PIK3CB: variants seen among roughly 807,000 people sequenced by gnomAD.
PIK3CB encodes the protein phosphatidylinositol 4,5-bisphosphate 3-kinase catalytic subunit beta isoform.
PIK3CB carries 39 observed loss-of-function variants against 136.8 expected under a neutral mutation model. The observed-to-expected ratio is 0.29, with a 90% CI of 0.22 to 0.37. The LOEUF is 0.37. Among genes scored for constraint, PIK3CB ranks in the 10% least tolerant of loss-of-function variants. The pLI is 1.00. For missense variants in PIK3CB, 868 were observed against 1,275.4 expected (o/e 0.68, Z 4.87); for synonymous variants, 428 against 436.6 (o/e 0.98, Z 0.25).
At chr3:138,656,325 C>G (rs1023470266) in intron 22 of PIK3CB, 51 bp from the exon 23 acceptor site, 1 of 1,588,544 alleles carries the variant, frequency 6.3e-7, no homozygotes, top group Non-Finnish European at 8.6e-7. Context: ...GGGGAGAGAG[C>G]ACATTTCATA....
chr3:138,785,679 C>T (rs766224156), intron 2 of PIK3CB, among the ~76,000 whole-genome samples: 11 of 152,068 alleles, frequency 7.2e-5, no homozygotes, highest in African/African-American at 2.2e-4. Flanking sequence ...GCAAACGCTG[C>T]GGAAGGAAGC....
chr3:138,803,807 C>T (rs1163244457), intron 1 of PIK3CB, among the ~76,000 whole-genome samples: 1 of 152,144 alleles, frequency 6.6e-6, no homozygotes, highest in African/African-American at 2.4e-5. Context: ...AATGCTTAGG[C>T]TCTCTACCTT....
At chr3:138,666,614 A>C (rs943964029) in intron 19 of PIK3CB, among the ~76,000 whole-genome samples, 1 of 152,112 alleles carries the variant, frequency 6.6e-6, no homozygotes, top group Non-Finnish European at 1.5e-5. Flanking sequence ...TTGGTTGCAA[A>C]TATTTTCTCT....
At chr3:138,713,120 A>AT (rs1419288673) in intron 9 of PIK3CB, among the ~76,000 whole-genome samples, 1 of 152,030 alleles carries the variant, frequency 6.6e-6, no homozygotes, top group Non-Finnish European at 1.5e-5. Context: ...GAAGAAAAAA[A>AT]TACTAAGGAA....
At chr3:138,784,357 G>C (rs1000544440) in intron 2 of PIK3CB, among the ~76,000 whole-genome samples, 1 of 152,116 alleles carries the variant, frequency 6.6e-6, no homozygotes, top group African/African-American at 2.4e-5. Flanking sequence ...ACTCCAGCCT[G>C]GGCAACAGAG....
Position 138,673,379 on chromosome 3 carries a change from A to G in PIK3CB, c.2505-8176T>C, listed in dbSNP as rs139387559. 5.6e-3 allele frequency among the ~76,000 whole-genome samples: 856 copies of G among 152,350 alleles called. 4 individuals are homozygous for G. The highest frequency in any genetic ancestry group is 9.8e-3 in the Non-Finnish European group (666 of 68,038). ...CACAGATTGTACTGCAGACAAAGGC[A>G]AAGAGAAACTTTTTGATGCACTAAG... On this transcript the variant is annotated intron_variant, in intron 19 of 23. Transcript: ENST00000674063.
intron 10 of PIK3CB, 111 bp downstream of exon 10, chr3:138,712,097 A>T: frequency 2.0e-6 from 1 of 509,000 alleles, no homozygotes. Flanking sequence ...ATAATACAAA[A>T]TGATAATTTT....
intron 2 of PIK3CB, 64 bp from the exon 3 acceptor site, chr3:138,759,423 T>C: frequency 9.5e-7 from 1 of 1,054,176 alleles, no homozygotes; most frequent in Non-Finnish European, 1.4e-6. Context: ...CAAGATATGA[T>C]AAAGACCACT....
Position 138,655,485 on chromosome 3 carries a change from T to C in PIK3CB, c.3117A>G (p.Lys1039=). ...CCTCATCAAATTTTTGCTTAAACTG[T>C]TTGAGTGCTTCTTCTTCACTCTTCC... ...ALGKSEEEAL[K]QFKQKFDEAL... The change falls in exon 24 of 24, where the codon AAA becomes AAG. Residue 1039 remains lysine (K), a synonymous_variant. Coordinates refer to ENST00000674063, the MANE Select transcript of PIK3CB (RefSeq NM_006219.3). 6.2e-7 allele frequency: 1 copy of C among 1,612,802 alleles called. No individual in the cohort carries two copies. The highest frequency in any genetic ancestry group is 8.5e-7 in the Non-Finnish European group (1 of 1,178,756).
intron 1 of PIK3CB, among the ~76,000 whole-genome samples, chr3:138,813,428 C>T (rs75924788): frequency 6.7e-6 from 1 of 150,064 alleles, no homozygotes; most frequent in Non-Finnish European, 1.5e-5. Context: ...AGGGCCTACT[C>T]TATTTTTTTT....
intron 2 of PIK3CB, among the ~76,000 whole-genome samples, chr3:138,767,446 T>C (rs897412179): frequency 2.6e-5 from 4 of 152,200 alleles, no homozygotes; most frequent in Non-Finnish European, 5.9e-5. Context: ...AAATAATTCC[T>C]ACTGTTACAG....
chr3:138,710,267 T>G (rs2044469948), intron 10 of PIK3CB, among the ~76,000 whole-genome samples: 1 of 151,908 alleles, frequency 6.6e-6, no homozygotes, highest in Non-Finnish European at 1.5e-5. Context: ...GTGAAAACTG[T>G]TAGAGGTACA....
intron 1 of PIK3CB, among the ~76,000 whole-genome samples, chr3:138,811,575 G>A (rs562189398): frequency 5.3e-5 from 8 of 151,830 alleles, no homozygotes; most frequent in African/African-American, 1.7e-4. Flanking sequence ...ACAGGCGCCC[G>A]CGACCACACC....
chr3:138,773,734 C>A (rs561359099), intron 2 of PIK3CB, among the ~76,000 whole-genome samples: 2 of 152,282 alleles, frequency 1.3e-5, no homozygotes, highest in South Asian at 2.1e-4. Flanking sequence ...AAATGTTCGA[C>A]CGTGTTTACC....
intron 2 of PIK3CB, among the ~76,000 whole-genome samples, chr3:138,785,420 G>A (rs529631561): frequency 1.3e-5 from 2 of 152,276 alleles, no homozygotes; most frequent in Admixed American, 1.3e-4. Context: ...GATTGTTACT[G>A]TGTCTCTGTA....
chr3:138,655,905 C>T (rs2043183911), intron 23 of PIK3CB, among the ~76,000 whole-genome samples: 1 of 152,168 alleles, frequency 6.6e-6, no homozygotes, highest in Admixed American at 6.5e-5. Flanking sequence ...AAGAAGGCTA[C>T]AGCCCAATAC....
intron 8 of PIK3CB, among the ~76,000 whole-genome samples, chr3:138,716,809 T>C (rs2044616591): frequency 7.6e-6 from 1 of 130,956 alleles, no homozygotes; most frequent in Non-Finnish European, 1.5e-5. Context: ...GGCAGAAGAA[T>C]CACTTGAACC....
chr3:138,716,343 G>A (rs541964297), intron 8 of PIK3CB, among the ~76,000 whole-genome samples: 1 of 152,052 alleles, frequency 6.6e-6, no homozygotes, highest in African/African-American at 2.4e-5. Flanking sequence ...CCTCCAGCAG[G>A]CTATAAACCT....
At chr3:138,801,060 T>C (rs1407200867) in intron 1 of PIK3CB, among the ~76,000 whole-genome samples, 1 of 152,226 alleles carries the variant, frequency 6.6e-6, no homozygotes, top group East Asian at 1.9e-4. Context: ...CAATTCATTA[T>C]GTAGGATGTA....
Sources: gnomAD v4.1 joint callset for allele counts (sites outside exome capture counted in the v4.1 genomes callset) on GRCh38, gnomAD v4.1.1 for gene constraint, MANE v1.5 for transcripts, NCBI Gene and HGNC (gene_info 2026-07-23, HGNC 2026-07-21) for gene names.